The following RABGAP1L variants were observed in gnomAD, a reference collection of about 807,000 sequenced individuals.
The protein encoded by RABGAP1L is RAB GTPase activating protein 1 like.
Under a neutral mutation model 137.7 loss-of-function variants are expected in RABGAP1L, and 63 were observed. The observed-to-expected ratio is 0.46, with a 90% CI of 0.37 to 0.56. The LOEUF is 0.56. Among genes scored for constraint, RABGAP1L ranks in the 20% least tolerant of loss-of-function variants. RABGAP1L has a pLI of 0.00. For synonymous variants in RABGAP1L, 431 were observed against 433.7 expected, an observed-to-expected ratio of 0.99 and a Z score of 0.08; for missense variants, 1,095 against 1,244.0, an observed-to-expected ratio of 0.88 and a Z score of 1.80.
chr1:174,926,461 A>C (rs1240836912), intron 19 of RABGAP1L, among the ~76,000 whole-genome samples: 5 of 152,156 alleles, frequency 3.3e-5, no homozygotes, highest in African/African-American at 1.2e-4. Flanking sequence ...AAAATTCTGC[A>C]TAGAGGTTTT....
At chr1:174,335,273 T>C (rs950605262) in intron 11 of RABGAP1L, among the ~76,000 whole-genome samples, 2 of 152,216 alleles carry the variant, frequency 1.3e-5, no homozygotes, top group African/African-American at 4.8e-5. Flanking sequence ...AATTAGAGTA[T>C]TCTTTTATTT....
intron 17 of RABGAP1L, among the ~76,000 whole-genome samples, chr1:174,712,998 G>T (rs1163576792): frequency 6.6e-6 from 1 of 152,138 alleles, no homozygotes; most frequent in Non-Finnish European, 1.5e-5. Context: ...GCAATATTTG[G>T]GGACGAAAAC....
At chr1:174,851,341 T>G (rs1157896099) in intron 19 of RABGAP1L, among the ~76,000 whole-genome samples, 1 of 152,202 alleles carries the variant, frequency 6.6e-6, no homozygotes, top group East Asian at 1.9e-4. Flanking sequence ...AACAGTGTCA[T>G]GTGTCAGCCA....
intron 18 of RABGAP1L, among the ~76,000 whole-genome samples, chr1:174,803,379 A>G (rs2148829339): frequency 6.6e-6 from 1 of 152,342 alleles, no homozygotes; most frequent in South Asian, 2.1e-4. Flanking sequence ...CTATGTGTAC[A>G]TTCACCAAAC....
chr1:174,813,576 AG>A (rs1441376237), intron 19 of RABGAP1L, among the ~76,000 whole-genome samples: 1 of 152,384 alleles, frequency 6.6e-6, no homozygotes, highest in African/African-American at 2.4e-5. Context: ...GTAACTGGGC[AG>A]AAAAAAATTA....
At chr1:174,498,809 C>T (rs1660986644) in intron 13 of RABGAP1L, among the ~76,000 whole-genome samples, 1 of 151,854 alleles carries the variant, frequency 6.6e-6, no homozygotes, top group Non-Finnish European at 1.5e-5. Flanking sequence ...CCGCGCCTGG[C>T]CTGAAACAAA....
At chr1:174,323,261 T>G (rs753207747) in intron 11 of RABGAP1L, among the ~76,000 whole-genome samples, 2 of 152,126 alleles carry the variant, frequency 1.3e-5, no homozygotes, top group African/African-American at 2.4e-5. Context: ...TTATCATCTG[T>G]ATATTATATA....
intron 19 of RABGAP1L, among the ~76,000 whole-genome samples, chr1:174,878,398 G>A (rs976615779): frequency 5.9e-5 from 9 of 151,910 alleles, no homozygotes; most frequent in African/African-American, 2.2e-4. Context: ...GGCTAATTTT[G>A]TATTTTTAGT....
At chr1:174,828,279 T>C (rs1237155144) in intron 19 of RABGAP1L, among the ~76,000 whole-genome samples, 1 of 147,994 alleles carries the variant, frequency 6.8e-6, no homozygotes, top group Non-Finnish European at 1.5e-5. Flanking sequence ...CTGTCCCCTC[T>C]AGTTTCCTCT....
intron 7 of RABGAP1L, among the ~76,000 whole-genome samples, chr1:174,261,292 A>G (rs1461243368): frequency 6.6e-6 from 1 of 152,182 alleles, no homozygotes; most frequent in Admixed American, 6.5e-5. Flanking sequence ...GGGGGATACA[A>G]TCATTATATA....
chr1:174,698,084 G>T (rs1320305636), intron 15 of RABGAP1L, among the ~76,000 whole-genome samples: 3 of 152,182 alleles, frequency 2.0e-5, no homozygotes, highest in Non-Finnish European at 4.4e-5. Context: ...TGATTCACTT[G>T]CTGAAGTATG....
intron 13 of RABGAP1L, among the ~76,000 whole-genome samples, chr1:174,581,091 G>A (rs902048085): frequency 1.3e-5 from 2 of 152,156 alleles, no homozygotes; most frequent in African/African-American, 4.8e-5. Flanking sequence ...AAATGCTGTA[G>A]CTGCCTTGGA....
At chr1:174,484,702 T>C (rs901897966) in intron 13 of RABGAP1L, among the ~76,000 whole-genome samples, 11 of 152,208 alleles carry the variant, frequency 7.2e-5, no homozygotes, top group African/African-American at 2.7e-4. Context: ...GAATTCATTG[T>C]AGATGTGTGG....
chr1:174,246,616 A>T (rs189874066), intron 5 of RABGAP1L, among the ~76,000 whole-genome samples: 11 of 152,324 alleles, frequency 7.2e-5, no homozygotes, highest in Admixed American at 5.9e-4. Context: ...TAGCATTTAT[A>T]TTCTATTAGG....
Position 174,784,087 on chromosome 1 carries a change from TCGG to T in RABGAP1L, c.2212-27743_2212-27741del, listed in dbSNP as rs571274735. Among the ~76,000 whole-genome samples the T allele has an allele frequency of 1.3e-3, 169 of 134,312 alleles. 1 individual carries two copies. The highest frequency in any genetic ancestry group is 2.3e-3 in the Non-Finnish European group (150 of 64,220). 88.1% of individuals were successfully genotyped at this position (134,312 alleles called of 152,430 possible). A position where few individuals can be genotyped will look rare whatever the true frequency, so the allele number is the denominator to read the frequency against. On this transcript the variant is annotated intron_variant, in intron 18 of 25. Transcript: ENST00000681986. ...CAGGCTGGAGTGCAGTGGTGCGATCTCGGCTCGCTACAAGCTCCGCCTCCCGGG... is the reference window on the plus strand; with the variant it reads ...CAGGCTGGAGTGCAGTGGTGCGATCTCTCGCTACAAGCTCCGCCTCCCGGG...
In RABGAP1L at chr1:174,525,940, A is replaced by C. The variant is rs550028113; in HGVS notation, c.1711-111435A>C. Among the ~76,000 whole-genome samples, 3 of 152,144 alleles carry C rather than the reference A, an allele frequency of 2.0e-5. No homozygotes were observed. In the South Asian group the frequency reaches 6.2e-4, roughly 32 times the overall value. On this transcript the variant is annotated intron_variant, in intron 13 of 25. Transcript: ENST00000681986. ...TTGATGTGATGTATCACACTGATTG[A>C]TTTGCATATATTAAATCATCTTTGG...
intron 17 of RABGAP1L, among the ~76,000 whole-genome samples, chr1:174,706,242 ACTG>A (rs1680037769): frequency 1.3e-5 from 2 of 152,184 alleles, no homozygotes; most frequent in Non-Finnish European, 2.9e-5. Context: ...TGACTGAACA[ACTG>A]CTAATTATTA....
intron 13 of RABGAP1L, among the ~76,000 whole-genome samples, chr1:174,562,169 A>G (rs1343139928): frequency 6.6e-6 from 1 of 152,222 alleles, no homozygotes; most frequent in Non-Finnish European, 1.5e-5. Context: ...GAAACAAACA[A>G]TCCCATCAAA....
intron 18 of RABGAP1L, among the ~76,000 whole-genome samples, chr1:174,763,258 C>T (rs1474770492): frequency 6.6e-6 from 1 of 152,058 alleles, no homozygotes; most frequent in Non-Finnish European, 1.5e-5. Flanking sequence ...GTGGCTCATG[C>T]CTGTAATCCC....
Sources: gnomAD v4.1 joint callset for allele counts (sites outside exome capture counted in the v4.1 genomes callset) on GRCh38, gnomAD v4.1.1 for gene constraint, MANE v1.5 for transcripts, NCBI Gene and HGNC (gene_info 2026-07-23, HGNC 2026-07-21) for gene names.